Variants in TIAM1 observed in about 807,000 individuals in gnomAD.
TIAM1 encodes rho guanine nucleotide exchange factor TIAM1.
TIAM1 carries 65 observed loss-of-function variants against 163.5 expected under a neutral mutation model. That is an observed-to-expected ratio of 0.40 (90% confidence interval 0.33 to 0.49). The LOEUF (loss-of-function observed/expected upper bound fraction) is 0.49. Ranked by LOEUF, TIAM1 falls within the 20% of genes least tolerant of loss-of-function variation. TIAM1 has a pLI of 0.77. For synonymous variants in TIAM1, 833 were observed against 810.1 expected (o/e 1.03, Z -0.48); for missense variants, 1,789 against 2,044.7 (o/e 0.87, Z 2.41).
chr21:31,365,387 C>CTTTCTTT (rs1555956902), intron 2 of TIAM1, among the ~76,000 whole-genome samples: 2 of 128,798 alleles, frequency 1.6e-5, no homozygotes, highest in Admixed American at 8.2e-5. Flanking sequence ...TTATTTCTTT[C>CTTTCTTT]TTTTTTTTTT....
chr21:31,174,691 A>C (rs1344219062), intron 15 of TIAM1, among the ~76,000 whole-genome samples: 2 of 152,170 alleles, frequency 1.3e-5, no homozygotes, highest in Non-Finnish European at 2.9e-5. Flanking sequence ...CTTGTTGTCC[A>C]GGCTAGAGCG....
intron 10 of TIAM1, among the ~76,000 whole-genome samples, chr21:31,210,584 AAGAAAGAAAGAGAG>A (rs1286421707): frequency 8.4e-6 from 1 of 118,430 alleles, no homozygotes. Context: ...GAAAGAAAGA[AAGAAAGAAAGAGAG>A]AAAGAAGGAA....
chr21:31,427,798 C>T (rs147703300), intron 2 of TIAM1, among the ~76,000 whole-genome samples: 382 of 152,230 alleles, frequency 2.5e-3, no homozygotes, highest in African/African-American at 8.9e-3. Flanking sequence ...CACACCAGTG[C>T]ACTCCAGCCT....
chr21:31,435,761 GAGGT>G (rs1415989661), intron 2 of TIAM1, among the ~76,000 whole-genome samples: 30 of 152,306 alleles, frequency 2.0e-4, no homozygotes, highest in African/African-American at 7.0e-4. Context: ...GGACCTTTAA[GAGGT>G]AACTAGGTCA....
At chr21:31,305,422 T>TAAAAAAAAAAAAAAAAAA (rs35619472) in intron 2 of TIAM1, among the ~76,000 whole-genome samples, 1 of 132,808 alleles carries the variant, frequency 7.5e-6, no homozygotes. Flanking sequence ...GAAATAAAAA[T>TAAAAAAAAAAAAAAAAAA]AAAAAAAAAA....
intron 10 of TIAM1, among the ~76,000 whole-genome samples, chr21:31,210,673 AAGAAAGAAAGAAAAAG>A (rs1569033057): frequency 1.8e-4 from 11 of 59,670 alleles, no homozygotes; most frequent in Admixed American, 3.8e-4. Flanking sequence ...AAGAAAAAGA[AAGAAAGAAAGAAAAAG>A]AAAGAAAGAA....
At chr21:31,487,711 C>T (rs1215210761) in intron 1 of TIAM1, among the ~76,000 whole-genome samples, 1 of 151,806 alleles carries the variant, frequency 6.6e-6, no homozygotes, top group South Asian at 2.1e-4. Context: ...GCGCCCGCCA[C>T]CGCGCCCGGC....
rs567201060 is a variant in TIAM1, at chr21:31,119,222, A to C, written c.*1146T>G. ...TTACCCTGTTTCGTTGGCATGAAGA[A>C]AGTGTTAAACACAAGAGAAGTTTTT... On this transcript the variant is annotated 3_prime_UTR_variant, in exon 28 of 28. Transcript: ENST00000541036. 2.0e-5 allele frequency: 3 copies of C among 152,808 alleles called. No homozygotes were observed. Among genetic ancestry groups the C allele is most frequent in the Admixed American group, 6.5e-5 (1 of 15,304 alleles). 9.5% of individuals were successfully genotyped at this position (152,808 alleles called of 1,614,324 possible).
chr21:31,166,630 T>C (rs1003446557), intron 15 of TIAM1, among the ~76,000 whole-genome samples: 2 of 152,250 alleles, frequency 1.3e-5, no homozygotes, highest in Non-Finnish European at 2.9e-5. Flanking sequence ...TTGGATTTTC[T>C]TGTGTTACTT....
At chr21:31,392,044 A>G (rs2076973613) in intron 2 of TIAM1, among the ~76,000 whole-genome samples, 1 of 152,212 alleles carries the variant, frequency 6.6e-6, no homozygotes, top group African/African-American at 2.4e-5. Context: ...ATTCTGCCTA[A>G]CTGTAGGCTA....
chr21:31,321,334 CTGTTTGTTTGTTTGTT>C (rs112634900), intron 2 of TIAM1, among the ~76,000 whole-genome samples: 121 of 150,622 alleles, frequency 8.0e-4, no homozygotes, highest in African/African-American at 2.7e-3. Flanking sequence ...CCATGCTCTA[CTGTTTGTTTGTTTGTT>C]TGTTTGTTTG....
At chr21:31,353,875 G>A (rs1279918055) in intron 2 of TIAM1, among the ~76,000 whole-genome samples, 1 of 98,266 alleles carries the variant, frequency 1.0e-5, no homozygotes, top group Admixed American at 1.7e-4. Flanking sequence ...GTCTCACTCT[G>A]TTGCCCAGGC....
intron 2 of TIAM1, among the ~76,000 whole-genome samples, chr21:31,396,884 G>C (rs2077081827): frequency 6.6e-6 from 1 of 152,020 alleles, no homozygotes. Context: ...CTGGGGTGGA[G>C]GTTGCAGTGA....
chr21:31,190,796 G>A lies in TIAM1; in HGVS notation c.2576-3709C>T, dbSNP rs1350481140. Among the ~76,000 whole-genome samples, 7 of 152,124 alleles carry A rather than the reference G, an allele frequency of 4.6e-5. 1 individual carries two copies. The highest frequency in any genetic ancestry group is 1.9e-4 in the East Asian group (1 of 5,192). ...AGAGAGAAATTAAGTAAATGTTCCC[G>A]CTTTAAGTGTGTTCAGTCAGTTGGA... On this transcript the variant is annotated intron_variant, in intron 13 of 27. Transcript: ENST00000541036.
chr21:31,195,883 A>G (rs1387883692), intron 12 of TIAM1, among the ~76,000 whole-genome samples: 1 of 152,210 alleles, frequency 6.6e-6, no homozygotes, highest in Non-Finnish European at 1.5e-5. Context: ...ACTTATGACT[A>G]AGTCCTCAAA....
rs558970009 is a variant in TIAM1 at position 31,449,328 on chromosome 21, T to C, written c.-369+14655A>G. Among the ~76,000 whole-genome samples the C allele has an allele frequency of 1.4e-4, 21 of 152,170 alleles. 2 individuals are homozygous for C. Among genetic ancestry groups the C allele is most frequent in the African/African-American group, 4.6e-4 (19 of 41,498 alleles). On this transcript the variant is annotated intron_variant, in intron 2 of 28. Coordinates refer to the TIAM1 transcript ENST00000286827. ...AGGAATTAGCCCAATACCAGACACA[T>C]ACTAGGTGCTCAAAAAAACAGTCAT...
chr21:31,428,481 A>C (rs192225514), intron 2 of TIAM1, among the ~76,000 whole-genome samples: 2 of 152,204 alleles, frequency 1.3e-5, no homozygotes, highest in African/African-American at 4.8e-5. Flanking sequence ...CAAAGCCACT[A>C]ATGTTTACTT....
intron 1 of TIAM1, among the ~76,000 whole-genome samples, chr21:31,468,378 G>A (rs916520483): frequency 1.3e-5 from 2 of 152,060 alleles, no homozygotes; most frequent in African/African-American, 4.8e-5. Flanking sequence ...AGCTACTTGG[G>A]AGGCTGAGGC....
chr21:31,547,978 A>G (rs1290107936), intron 1 of TIAM1, among the ~76,000 whole-genome samples: 1 of 152,174 alleles, frequency 6.6e-6, no homozygotes, highest in Non-Finnish European at 1.5e-5. Context: ...TCTACTGTAT[A>G]AAAGGAAGAT....
Sources: allele counts gnomAD v4.1 joint callset (sites outside exome capture counted in the v4.1 genomes callset), GRCh38; gene constraint gnomAD v4.1.1; transcripts MANE v1.5; gene names NCBI Gene and HGNC (gene_info 2026-07-23, HGNC 2026-07-21).